TTN: variants seen among roughly 807,000 people sequenced by gnomAD.
The protein encoded by TTN is titin.
A neutral mutation model predicts 3,223.0 loss-of-function variants in TTN; 1,525 were observed. The ratio of observed to expected loss-of-function variants is 0.47; its 90% CI spans 0.45 to 0.49. The LOEUF (loss-of-function observed/expected upper bound fraction) is 0.49. TTN is among the 20% of genes least tolerant of loss of function. The pLI, the probability that TTN is intolerant of heterozygous loss-of-function variation, is 0.00. For missense variants in TTN, 40,786 were observed against 43,424.0 expected, an observed-to-expected ratio of 0.94 and a Z score of 5.40; for synonymous variants, 14,094 against 15,161.0, an observed-to-expected ratio of 0.93 and a Z score of 5.17.
chr2:178,702,123 G>T, intron 108 of TTN, 45 bp downstream of exon 108: 1 of 1,613,212 alleles, frequency 6.2e-7, no homozygotes, highest in Non-Finnish European at 8.5e-7. Flanking sequence ...GGTAGGCTAC[G>T]TGTTTCGAAG....
intron 168 of TTN, 102 bp from the exon 169 acceptor site, chr2:178,664,200 TGA>T: frequency 8.6e-7 from 1 of 1,162,354 alleles, no homozygotes; most frequent in Non-Finnish European, 1.2e-6. Context: ...TCTCCTGAGC[TGA>T]GATCAGTGGT....
rs1251975601 is a variant in TTN, at chr2:178,592,169, T to C, written c.59735A>G (p.Tyr19912Cys). ...LDDGGSVITN[Y>C]VVERRDVASA... Reference sequence around the variant, plus strand: ...GGCAACATCTCTCCTCTCAACCACATAATTGGTAATAACAGAACCACCATC... The same window carrying C: ...GGCAACATCTCTCCTCTCAACCACACAATTGGTAATAACAGAACCACCATC... The change falls in exon 302 of 363, where the codon TAT (tyrosine) becomes TGT (cysteine). Residue 19912 changes from tyrosine to cysteine, a missense_variant. Tyr to Cys is a radical substitution (Grantham distance 194, BLOSUM62 -2). Coordinates refer to ENST00000589042, the MANE Select transcript of TTN (RefSeq NM_001267550.2). The C allele has an allele frequency of 4.3e-6, 7 of 1,612,708 alleles. No individual in the cohort carries two copies. The highest frequency in any genetic ancestry group is 1.6e-4 in the Middle Eastern group (1 of 6,074).
chr2:178,764,034 T>G lies in TTN; in HGVS notation c.10114+143A>C, dbSNP rs534006717. 4.4e-5 allele frequency: 55 copies of G among 1,244,632 alleles called. 1 individual carries two copies. The East Asian group carries it at 1.2e-3, about 27-fold the overall frequency. 77.1% of individuals were successfully genotyped at this position (1,244,632 alleles called of 1,614,324 possible). A position where few individuals can be genotyped will look rare whatever the true frequency, so the allele number is the denominator to read the frequency against. ...CTTATCTAATTCTTAATTTAATAAT[T>G]GAAATAAGTTTTCTGTTAGATTTCC... On this transcript the variant is annotated intron_variant, in intron 43 of 362. Transcript: ENST00000589042.
Position 178,632,739 on chromosome 2 carries a change from C to G in TTN, c.43267G>C (p.Asp14423His), listed in dbSNP as rs960364848. ...PLSDVKVFEK[D>H]EAKFECEVSR... The stretch of plus-strand genomic sequence containing the variant: ...ACTTCACACTCAAACTTAGCCTCAT[C>G]TTTCTCGAAGACTTTAACATCACTG... Residue 14423 changes from aspartate to histidine, a missense_variant, in exon 235 of 363, where the codon GAT becomes CAT. Physicochemically the swap from Asp to His is moderately conservative, Grantham distance 81. Transcript: ENST00000589042. 6.2e-7 allele frequency: 1 copy of G among 1,613,266 alleles called. No individual in the cohort carries two copies. The highest frequency in any genetic ancestry group is 8.5e-7 in the Non-Finnish European group (1 of 1,179,554).
intron 6 of TTN, among the ~76,000 whole-genome samples, chr2:178,797,350 A>C (rs1355807770): frequency 6.6e-6 from 1 of 150,920 alleles, no homozygotes; most frequent in Non-Finnish European, 1.5e-5. Flanking sequence ...AAAACAATAA[A>C]AATTGGAAAA....
chr2:178,629,317 A>G lies in TTN; in HGVS notation c.44408T>C (p.Leu14803Pro). 1 of 1,612,718 alleles carries G rather than the reference A, an allele frequency of 6.2e-7. No individual in the cohort carries two copies. Among genetic ancestry groups the G allele is most frequent in the Non-Finnish European group, 8.5e-7 (1 of 1,179,188 alleles). Residue 14803 changes from leucine to proline, a missense_variant, in exon 240 of 363, where the codon CTA becomes CCA. Transcript: ENST00000589042. Reference sequence around the variant, plus strand: ...GCTTTTTACCTTATCGCTGGGCTCTAGTTTCTTCCCTTTGAGATACCATTC... The same window carrying G: ...GCTTTTTACCTTATCGCTGGGCTCTGGTTTCTTCCCTTTGAGATACCATTC... The part of the protein sequence containing the change: ...PVEWYLKGKK[L>P]EPSDKVVPRS...
At chr2:178,744,741 T>A in intron 47 of TTN, 2 of 984,812 alleles carry the variant, frequency 2.0e-6, no homozygotes, top group Non-Finnish European at 2.4e-6. Context: ...TTAAAATCTA[T>A]ATGTAAACAC....
At position 178,578,907 on chromosome 2, in the gene TTN, A is replaced by G. The variant is rs374300374; in HGVS notation, c.68123T>C (p.Leu22708Pro). ...VQKTTFRVTRLHEGMEYTFRV... is the reference protein window; with the variant it reads ...VQKTTFRVTRPHEGMEYTFRV... ...GAAGGTATATTCCATGCCCTCATGA[A>G]GTCTGGTTACTCTAAAGGTGGTTTT... is the stretch of plus-strand genomic sequence containing the variant. The change falls in exon 320 of 363, where the codon CTT becomes CCT. Residue 22708 changes from leucine (L) to proline (P), a missense_variant. By Grantham distance (98) the Leu-to-Pro change is moderately conservative. Transcript: ENST00000589042. 1 of 1,613,288 alleles carries G rather than the reference A, an allele frequency of 6.2e-7. No individual in the cohort carries two copies. Among genetic ancestry groups the G allele is most frequent in the Non-Finnish European group, 8.5e-7 (1 of 1,179,474 alleles).
intron 271 of TTN, 25 bp from the exon 272 acceptor site, chr2:178,610,011 G>C: frequency 6.2e-7 from 1 of 1,610,052 alleles, no homozygotes; most frequent in Non-Finnish European, 8.5e-7. Flanking sequence ...AAAAATGTTA[G>C]TATCAGGAAA....
chr2:178,697,169 C>A lies in TTN; in HGVS notation c.30755-1G>T. 6.5e-7 allele frequency: 1 copy of A among 1,526,846 alleles called. No homozygotes were observed. The highest frequency in any genetic ancestry group is 8.8e-7 in the Non-Finnish European group (1 of 1,140,186). The allele number at this position is 1,526,846 out of a possible 1,614,324, so 94.6% of individuals were successfully genotyped here. ...GGAGGTGGAGGCTTCTTGACAATCT[C>A]TGGGAGTTTAAAAACATAAAAATGT... On this transcript the variant is annotated splice_acceptor_variant, in intron 112 of 362. Coordinates refer to ENST00000589042, the MANE Select transcript of TTN (RefSeq NM_001267550.2). LOFTEE classifies it high-confidence loss of function.
rs727504480 is a variant in TTN at position 178,730,781 on chromosome 2, G to T, written c.17752C>A (p.Pro5918Thr). The stretch of plus-strand genomic sequence containing the variant: ...TTCAGCTTTTTGGTGAATGAAGGAG[G>T]TATGATAAGATCTATTCAATGAAAA... The part of the protein sequence containing the change: ...ARINVLDLII[P>T]PSFTKKLKKM... The change falls in exon 61 of 363, where the codon CCT (proline) becomes ACT (threonine). Residue 5918 changes from proline to threonine, a missense_variant. Coordinates refer to ENST00000589042, the MANE Select transcript of TTN (RefSeq NM_001267550.2). 7 of 1,598,730 alleles carry T rather than the reference G, an allele frequency of 4.4e-6. No individual in the cohort carries two copies. Among genetic ancestry groups the T allele is most frequent in the Non-Finnish European group, 6.0e-6 (7 of 1,170,802 alleles).
Position 178,528,547 on chromosome 2 carries a change from C to G in TTN, c.107204G>C (p.Trp35735Ser). ...ISGEPSPEIE[W>S]FKNNLPISIS... ...ACTTACTGGCAGGTTGTTTTTAAAC[C>G]ATTCGATTTCAGGGGATGGCTCGCC... Residue 35735 changes from tryptophan to serine, a missense_variant, in exon 360 of 363, where the codon TGG becomes TCG. Transcript: ENST00000589042. 6.2e-7 allele frequency: 1 copy of G among 1,608,144 alleles called. No homozygotes were observed. Among genetic ancestry groups the G allele is most frequent in the Non-Finnish European group, 8.5e-7 (1 of 1,176,334 alleles).
At position 178,635,448 on chromosome 2, in the gene TTN, G is replaced by A; in HGVS notation, c.41876C>T (p.Thr13959Ile). Reference protein sequence around the residue: ...IEGKRYPAKLTLGEREVELLK... With the variant: ...IEGKRYPAKLILGEREVELLK... The stretch of plus-strand genomic sequence containing the variant: ...AAGGTAAGATTTTATACCTCCAAGT[G>A]TCAGCTTTGCAGGGTATCTTTTTCC... Residue 13959 changes from threonine to isoleucine, a missense_variant, in exon 227 of 363, where the codon ACA (threonine) becomes ATA (isoleucine). Thr to Ile is a moderately conservative substitution (Grantham distance 89). Coordinates refer to ENST00000589042, the MANE Select transcript of TTN (RefSeq NM_001267550.2). 6.2e-7 allele frequency: 1 copy of A among 1,607,020 alleles called. No homozygotes were observed. Among genetic ancestry groups the A allele is most frequent in the Admixed American group, 1.7e-5 (1 of 59,108 alleles).
At position 178,537,329 on chromosome 2, in the gene TTN, A is replaced by T. The variant is rs572802873; in HGVS notation, c.99865+13T>A. The T allele has an allele frequency of 1.1e-4, 174 of 1,526,512 alleles. 1 individual carries two copies. In the East Asian group the frequency reaches 3.1e-3, roughly 27 times the overall value. 94.6% of individuals were successfully genotyped at this position (1,526,512 alleles called of 1,614,324 possible). A position where few individuals can be genotyped will look rare whatever the true frequency, so the allele number is the denominator to read the frequency against. ...TTTAAAAATAAAAAGCACTGAAAAT[A>T]AAAATAAAATACCTTGTATTTCCAC... On this transcript the variant is annotated intron_variant, in intron 355 of 362. Coordinates refer to ENST00000589042, the MANE Select transcript of TTN (RefSeq NM_001267550.2).
chr2:178,599,631 C>G lies in TTN; in HGVS notation c.56270G>C (p.Ser18757Thr), dbSNP rs1280256540. Residue 18757 changes from serine to threonine, a missense_variant, in exon 289 of 363, where the codon AGT becomes ACT. By Grantham distance (58) the Ser-to-Thr change is moderately conservative (BLOSUM62 1). Coordinates refer to ENST00000589042, the MANE Select transcript of TTN (RefSeq NM_001267550.2). ...TGTGATGGTATATAAGCCAGTGTCA[C>G]TCCTGCGAGACTGCGGAATAACTAA... ...CTLVIPQSRR[S>T]DTGLYTITAV... is the part of the protein sequence containing the mutation. The G allele has an allele frequency of 6.2e-7, 1 of 1,612,390 alleles. No individual in the cohort carries two copies. The highest frequency in any genetic ancestry group is 1.7e-5 in the Admixed American group (1 of 59,926).
At chr2:178,538,051 A>G in intron 354 of TTN, 134 bp from the exon 355 acceptor site, 1 of 870,482 alleles carries the variant, frequency 1.1e-6, no homozygotes, top group East Asian at 2.7e-5. Flanking sequence ...AATTCTTAAA[A>G]ACTCTTTGAA....
intron 47 of TTN, chr2:178,748,638 C>T (rs1282971279): frequency 1.9e-6 from 3 of 1,612,836 alleles, no homozygotes; most frequent in Non-Finnish European, 2.5e-6. Context: ...TGGAATTTCA[C>T]ATCTGTGTGT....
chr2:178,553,754 T>C lies in TTN; in HGVS notation c.89251A>G (p.Ile29751Val), dbSNP rs1367538790. ...ACAGGCTTACTCCAGCCAAGGGTGA[T>C]GGATGACTTGGTTGAATCTGCGATT... ...IRIADSTKSS[I>V]TLGWSKPVYD... The change falls in exon 334 of 363, where the codon ATC becomes GTC. Residue 29751 changes from isoleucine to valine, a missense_variant. Ile to Val is a conservative substitution (Grantham distance 29). Transcript: ENST00000589042. 3.1e-6 allele frequency: 5 copies of C among 1,610,314 alleles called. No homozygotes were observed. Among genetic ancestry groups the C allele is most frequent in the Non-Finnish European group, 4.2e-6 (5 of 1,177,672 alleles).
chr2:178,642,424 C>A, intron 218 of TTN, 107 bp from the exon 219 acceptor site: 1 of 897,630 alleles, frequency 1.1e-6, no homozygotes, highest in East Asian at 2.7e-5. Context: ...CATTAAGTAA[C>A]AATTTTCGCT....
Sources: allele counts gnomAD v4.1 joint callset (sites outside exome capture counted in the v4.1 genomes callset), GRCh38; gene constraint gnomAD v4.1.1; transcripts MANE v1.5; gene names NCBI Gene and HGNC (gene_info 2026-07-23, HGNC 2026-07-21).